The following CSMD1 variants were observed in gnomAD, a reference collection of about 807,000 sequenced individuals.
CSMD1 encodes the protein CUB and sushi domain-containing protein 1.
CSMD1 carries 213 observed loss-of-function variants against 417.5 expected under a neutral mutation model. The ratio of observed to expected loss-of-function variants is 0.51; its 90% CI spans 0.46 to 0.57. The LOEUF is 0.57. Ranked by LOEUF, CSMD1 falls within the 20% of genes least tolerant of loss-of-function variation. The pLI is 0.00. For synonymous variants in CSMD1, 2,862 were observed against 1,736.8 expected (o/e 1.65, Z -16.11); for missense variants, 6,923 against 4,529.7 (o/e 1.53, Z -15.17).
intron 5 of CSMD1, among the ~76,000 whole-genome samples, chr8:3,840,442 A>C (rs147365518): frequency 1.0e-3 from 157 of 152,320 alleles, no homozygotes; most frequent in African/African-American, 3.7e-3. Flanking sequence ...TGTTAGTAGC[A>C]AGAGTACCTC....
chr8:4,274,276 T>TATC lies in CSMD1; in HGVS notation c.415+145674_415+145676dup, dbSNP rs1796343958. 1.3e-5 allele frequency among the ~76,000 whole-genome samples: 2 copies of TATC among 152,160 alleles called. 1 individual carries two copies. The highest frequency in any genetic ancestry group is 4.8e-5 in the African/African-American group (2 of 41,448). ...ACACTATACTTCTTCTAGCTGCTAC[T>TATC]ATCAGGCTTATAACGTGAAGTATCA... is the stretch of plus-strand genomic sequence containing the variant. On this transcript the variant is annotated intron_variant, in intron 3 of 69. Transcript: ENST00000635120.
chr8:4,043,338 G>T (rs570243255), intron 3 of CSMD1, among the ~76,000 whole-genome samples: 1 of 151,940 alleles, frequency 6.6e-6, no homozygotes, highest in Non-Finnish European at 1.5e-5. Flanking sequence ...GAAAATGAAT[G>T]AGAAATACAA....
chr8:4,807,890 C>T (rs774124787), intron 1 of CSMD1, among the ~76,000 whole-genome samples: 1 of 152,078 alleles, frequency 6.6e-6, no homozygotes, highest in South Asian at 2.1e-4. Flanking sequence ...TCTCAAAGGT[C>T]TCCATGAGGG....
At position 4,325,185 on chromosome 8, in the gene CSMD1, G is replaced by A. The variant is rs1585235103; in HGVS notation, c.415+94768C>T. On this transcript the variant is annotated intron_variant, in intron 3 of 69. Transcript: ENST00000635120. ...GAGGAGAAAAATAAATATAACAAAG[G>A]AAACTGTCATGAAAACAGATGATAC... 2.0e-5 allele frequency among the ~76,000 whole-genome samples: 3 copies of A among 152,208 alleles called. No individual in the cohort carries two copies. The Middle Eastern group carries it at 0.01, about 518-fold the overall frequency.
chr8:3,221,031 G>GGTTT (rs58956759), intron 28 of CSMD1, among the ~76,000 whole-genome samples: 39,765 of 151,614 alleles, frequency 0.26, 5,391 homozygotes, highest in East Asian at 0.3. Flanking sequence ...TTTGCTTGTT[G>GGTTT]GTTTGTTTGT....
intron 1 of CSMD1, among the ~76,000 whole-genome samples, chr8:4,732,283 T>A (rs1809934772): frequency 6.6e-6 from 1 of 151,882 alleles, no homozygotes; most frequent in Non-Finnish European, 1.5e-5. Context: ...TCTGCTAGAT[T>A]CTAGAAACCT....
rs562771817 is a variant in CSMD1 at position 3,603,435 on chromosome 8, A to G, written c.1097+13275T>C. The stretch of plus-strand genomic sequence containing the variant: ...TTGCGAGCTAAAGCCTCCTTTCTTT[A>G]TATGACAAACCTGGACTGAGCGCCC... On this transcript the variant is annotated intron_variant, in intron 8 of 69. Coordinates refer to ENST00000635120, the MANE Select transcript of CSMD1 (RefSeq NM_033225.6). Among the ~76,000 whole-genome samples, 30 of 152,282 alleles carry G rather than the reference A, an allele frequency of 2.0e-4. No homozygotes were observed. In the South Asian group the frequency reaches 6.0e-3, roughly 31 times the overall value.
chr8:3,200,193 T>C (rs1055091900), intron 32 of CSMD1, among the ~76,000 whole-genome samples: 23 of 152,062 alleles, frequency 1.5e-4, no homozygotes, highest in African/African-American at 5.6e-4. Context: ...AGTAACTGAA[T>C]CCAAAGATGA....
rs150002137 is a variant in CSMD1, at chr8:4,516,166, G to C, written c.303-96101C>G. On this transcript the variant is annotated intron_variant, in intron 2 of 69. Transcript: ENST00000635120. The stretch of plus-strand genomic sequence containing the variant: ...TCATGCAGGGGCCCTAATCCAATAT[G>C]ACTGGTGCCTCCTAATAAGAGAAGA... Among the ~76,000 whole-genome samples the C allele has an allele frequency of 1.7e-3, 264 of 152,116 alleles. 1 individual carries two copies. The highest frequency in any genetic ancestry group is 6.1e-3 in the African/African-American group (254 of 41,492).
At chr8:4,783,669 C>T (rs986646483) in intron 1 of CSMD1, among the ~76,000 whole-genome samples, 1 of 152,162 alleles carries the variant, frequency 6.6e-6, no homozygotes, top group Non-Finnish European at 1.5e-5. Flanking sequence ...CAGGCTGAAG[C>T]CAGCCCGAAG....
chr8:3,878,091 G>C (rs547874340), intron 5 of CSMD1, among the ~76,000 whole-genome samples: 3 of 152,112 alleles, frequency 2.0e-5, no homozygotes, highest in East Asian at 1.9e-4. Flanking sequence ...TTTGCTATCA[G>C]CTTCTGCCTG....
At chr8:4,840,808 G>C (rs1563557317) in intron 1 of CSMD1, among the ~76,000 whole-genome samples, 2 of 152,094 alleles carry the variant, frequency 1.3e-5, no homozygotes, top group Non-Finnish European at 2.9e-5. Flanking sequence ...TTTTATACCA[G>C]GTAGGATTAA....
chr8:4,258,131 G>A (rs189141444), intron 3 of CSMD1, among the ~76,000 whole-genome samples: 25 of 150,968 alleles, frequency 1.7e-4, no homozygotes, highest in African/African-American at 6.1e-4. Context: ...TTTTAGTAGA[G>A]ATGAGGTCTC....
intron 3 of CSMD1, among the ~76,000 whole-genome samples, chr8:4,292,555 C>A (rs1171691934): frequency 6.6e-6 from 1 of 152,066 alleles, no homozygotes; most frequent in African/African-American, 2.4e-5. Context: ...CCGTGCCCGC[C>A]CGAATTTTTT....
At chr8:4,341,474 A>T (rs1800474571) in intron 3 of CSMD1, among the ~76,000 whole-genome samples, 1 of 152,130 alleles carries the variant, frequency 6.6e-6, no homozygotes, top group African/African-American at 2.4e-5. Context: ...ATTCTCTGTG[A>T]TCAAAGGACA....
intron 2 of CSMD1, among the ~76,000 whole-genome samples, chr8:4,458,253 G>T (rs148448323): frequency 6.6e-6 from 1 of 152,022 alleles, no homozygotes; most frequent in South Asian, 2.1e-4. Flanking sequence ...AATGGTTGCA[G>T]AGTAACCACA....
intron 3 of CSMD1, among the ~76,000 whole-genome samples, chr8:4,080,770 G>A (rs930102114): frequency 1.3e-5 from 2 of 152,022 alleles, no homozygotes; most frequent in South Asian, 2.1e-4. Flanking sequence ...AATAAGACTG[G>A]GCTAAATTAC....
intron 1 of CSMD1, among the ~76,000 whole-genome samples, chr8:4,758,733 A>G (rs1159270173): frequency 6.6e-6 from 1 of 152,158 alleles, no homozygotes; most frequent in African/African-American, 2.4e-5. Context: ...CCCAGGGGAA[A>G]CTGCCATTAA....
At chr8:3,368,627 C>T (rs1202540692) in intron 19 of CSMD1, among the ~76,000 whole-genome samples, 1 of 152,188 alleles carries the variant, frequency 6.6e-6, no homozygotes, top group Non-Finnish European at 1.5e-5. Flanking sequence ...GCGTGAGTCA[C>T]TTCACCTGGC....
Sources: allele counts gnomAD v4.1 joint callset (sites outside exome capture counted in the v4.1 genomes callset), GRCh38; gene constraint gnomAD v4.1.1; transcripts MANE v1.5; gene names NCBI Gene and HGNC (gene_info 2026-07-23, HGNC 2026-07-21).